Variants in PKHD1 observed in about 807,000 individuals in gnomAD.
The protein encoded by PKHD1 is PKHD1 ciliary IPT domain containing fibrocystin/polyductin.
PKHD1 carries 291 observed loss-of-function variants against 412.0 expected under a neutral mutation model. That is an observed-to-expected ratio of 0.71 (90% CI 0.64 to 0.78). PKHD1 has a LOEUF of 0.78. Among genes scored for constraint, PKHD1 ranks in the 30% least tolerant of loss-of-function variants. PKHD1 has a pLI of 0.00. For synonymous variants in PKHD1, 1,777 were observed against 1,821.5 expected, an observed-to-expected ratio of 0.98 and a Z score of 0.62; for missense variants, 4,825 against 4,950.7, an observed-to-expected ratio of 0.97 and a Z score of 0.76.
At chr6:51,708,425 G>A (rs1562141242) in intron 60 of PKHD1, among the ~76,000 whole-genome samples, 1 of 152,128 alleles carries the variant, frequency 6.6e-6, no homozygotes, top group Non-Finnish European at 1.5e-5. Flanking sequence ...CTGCAACACA[G>A]TCAGAATACT....
chr6:51,640,331 T>C (rs1035302689), intron 63 of PKHD1, among the ~76,000 whole-genome samples: 24 of 152,302 alleles, frequency 1.6e-4, no homozygotes, highest in African/African-American at 5.8e-4. Flanking sequence ...TAGTTCTAAA[T>C]GGGTTTGCTT....
In PKHD1 at chr6:51,746,546, A is replaced by G. The variant is rs35999523; in HGVS notation, c.9998+175T>C. 0.32 allele frequency among the ~76,000 whole-genome samples: 48,687 copies of G among 152,068 alleles called. 9,674 individuals carry two copies. Among genetic ancestry groups the G allele is most frequent in the East Asian group, 0.68 (3,480 of 5,146 alleles). ...AGATATTTTAAAAATCATATATCAC[A>G]AGGCGTGAATATAGGAGGGGTAAAG... On this transcript the variant is annotated intron_variant, in intron 59 of 66. Transcript: ENST00000371117.
At chr6:51,991,452 C>G (rs569481534) in intron 35 of PKHD1, among the ~76,000 whole-genome samples, 9 of 152,254 alleles carry the variant, frequency 5.9e-5, no homozygotes, top group Non-Finnish European at 8.8e-5. Flanking sequence ...GCAGATTCTT[C>G]TTTTCAAAGG....
intron 60 of PKHD1, among the ~76,000 whole-genome samples, chr6:51,665,583 G>T (rs146987124): frequency 0.015 from 2,265 of 152,198 alleles, 24 homozygotes; most frequent in Middle Eastern, 0.024. Flanking sequence ...TACATGAGCT[G>T]AAAAGTAGGT....
rs1335201025 is a variant in PKHD1, at chr6:52,010,224, G to T, written c.5751+85C>A. 14 of 1,187,708 alleles carry T rather than the reference G, an allele frequency of 1.2e-5. No individual in the cohort carries two copies. The East Asian group carries it at 2.9e-4, about 25-fold the overall frequency. 73.6% of individuals were successfully genotyped at this position (1,187,708 alleles called of 1,614,324 possible). A position where few individuals can be genotyped will look rare whatever the true frequency, so the allele number is the denominator to read the frequency against. On this transcript the variant is annotated intron_variant, in intron 35 of 66. Coordinates refer to ENST00000371117, the MANE Select transcript of PKHD1 (RefSeq NM_138694.4). ...TAATATTATATATCGCTGCCATTTG[G>T]ACTAAATTGTTTTTTTAATGTACAC...
intron 60 of PKHD1, among the ~76,000 whole-genome samples, chr6:51,715,449 A>G (rs183058955): frequency 1.3e-5 from 2 of 152,310 alleles, no homozygotes; most frequent in South Asian, 2.1e-4. Flanking sequence ...TTTATCACTC[A>G]TGTATATTCT....
intron 30 of PKHD1, 71 bp downstream of exon 30, chr6:52,028,084 CA>C (rs1277010691): frequency 1.4e-6 from 2 of 1,470,110 alleles, no homozygotes; most frequent in Non-Finnish European, 1.9e-6. Context: ...ATACCTAACT[CA>C]AAATTAGAAT....
At chr6:51,634,120 C>A (rs180810223) in intron 64 of PKHD1, among the ~76,000 whole-genome samples, 3 of 151,950 alleles carry the variant, frequency 2.0e-5, no homozygotes, top group Admixed American at 2.0e-4. Flanking sequence ...GCAGCTCATT[C>A]AAAACAAACA....
At chr6:51,698,907 T>C (rs1181653849) in intron 60 of PKHD1, among the ~76,000 whole-genome samples, 1 of 152,194 alleles carries the variant, frequency 6.6e-6, no homozygotes, top group African/African-American at 2.4e-5. Context: ...ACTACTTCAT[T>C]TCTTTTTAAA....
intron 37 of PKHD1, among the ~76,000 whole-genome samples, chr6:51,932,911 C>CA (rs994158121): frequency 2.6e-5 from 4 of 152,156 alleles, no homozygotes; most frequent in African/African-American, 9.7e-5. Context: ...CGGTATGAGA[C>CA]AGAGTCTGGA....
chr6:51,631,046 A>T (rs1767861792), intron 65 of PKHD1, among the ~76,000 whole-genome samples: 1 of 152,202 alleles, frequency 6.6e-6, no homozygotes, highest in South Asian at 2.1e-4. Flanking sequence ...TGGAGATAGC[A>T]GAGCTTAGGA....
intron 55 of PKHD1, among the ~76,000 whole-genome samples, chr6:51,756,119 C>T (rs1326585): frequency 0.32 from 48,624 of 151,930 alleles, 9,660 homozygotes; most frequent in East Asian, 0.69. Context: ...TTCACATCTA[C>T]GTACCTAAGG....
intron 52 of PKHD1, among the ~76,000 whole-genome samples, chr6:51,793,486 G>A (rs1437042458): frequency 6.6e-6 from 1 of 152,152 alleles, no homozygotes; most frequent in Non-Finnish European, 1.5e-5. Flanking sequence ...GCATCAATTA[G>A]CTATTCTTCC....
At position 52,027,853 on chromosome 6, in the gene PKHD1, C is replaced by T. The variant is rs554956088; in HGVS notation, c.3604G>A (p.Glu1202Lys). ...CCCAGCAGGGACCCACAGCAAGGCT[C>T]GATGCTGAAAACTTCTGTGAGGTAC... is the stretch of plus-strand genomic sequence containing the variant. Reference protein sequence around the residue: ...IQYLTEVFSIEPCCGSLLGGT... With the variant: ...IQYLTEVFSIKPCCGSLLGGT... The change falls in exon 31 of 67, where the codon GAG becomes AAG. Residue 1202 changes from glutamate (E) to lysine (K), a missense_variant. Coordinates refer to ENST00000371117, the MANE Select transcript of PKHD1 (RefSeq NM_138694.4). The T allele has an allele frequency of 1.1e-5, 17 of 1,613,396 alleles. No homozygotes were observed. The East Asian group carries it at 2.7e-4, about 25-fold the overall frequency.
intron 36 of PKHD1, among the ~76,000 whole-genome samples, chr6:51,949,401 A>G (rs1193659066): frequency 6.6e-6 from 1 of 152,156 alleles, no homozygotes; most frequent in Non-Finnish European, 1.5e-5. Context: ...GTTGGAGTAT[A>G]TCCCTGTACC....
At chr6:51,696,789 A>G (rs528733258) in intron 60 of PKHD1, among the ~76,000 whole-genome samples, 2 of 152,290 alleles carry the variant, frequency 1.3e-5, no homozygotes, top group South Asian at 4.1e-4. Context: ...TGTGTCATTG[A>G]TAGTGGGAGA....
At chr6:51,997,366 G>A (rs1053881277) in intron 35 of PKHD1, among the ~76,000 whole-genome samples, 1 of 152,078 alleles carries the variant, frequency 6.6e-6, no homozygotes, top group African/African-American at 2.4e-5. Flanking sequence ...TCGGTTCTGT[G>A]AGCCAATATA....
chr6:52,046,164 T>C lies in PKHD1; in HGVS notation c.2432A>G (p.His811Arg), dbSNP rs1167907655. The C allele has an allele frequency of 1.9e-6, 3 of 1,613,498 alleles. No individual in the cohort carries two copies. Among genetic ancestry groups the C allele is most frequent in the East Asian group, 2.2e-5 (1 of 44,884 alleles). The change falls in exon 24 of 67, where the codon CAT becomes CGT. Residue 811 changes from histidine to arginine, a missense_variant. Coordinates refer to ENST00000371117, the MANE Select transcript of PKHD1 (RefSeq NM_138694.4). ...ISDVPVQISA[H>R]HLHQLLQNNA... The stretch of plus-strand genomic sequence containing the variant: ...ATTCTGTAAGAGCTGGTGAAGGTGA[T>C]GAGCAGAAATTTGTACAGGGACATC...
chr6:51,632,340 T>C (rs1768029294), intron 65 of PKHD1, among the ~76,000 whole-genome samples: 1 of 152,096 alleles, frequency 6.6e-6, no homozygotes, highest in South Asian at 2.1e-4. Context: ...CCATAGTGAG[T>C]ATTTAGTTAA....
Sources: allele counts gnomAD v4.1 joint callset (sites outside exome capture counted in the v4.1 genomes callset), GRCh38; gene constraint gnomAD v4.1.1; transcripts MANE v1.5; gene names NCBI Gene and HGNC (gene_info 2026-07-23, HGNC 2026-07-21).